The following ATXN7 variants were observed in gnomAD, a reference collection of about 807,000 sequenced individuals.
ATXN7 encodes the protein ataxin-7.
A neutral mutation model predicts 70.5 loss-of-function variants in ATXN7; 12 were observed. That is an observed-to-expected ratio of 0.17 (90% confidence interval 0.11 to 0.28). ATXN7 has a LOEUF of 0.28. Among genes scored for constraint, ATXN7 ranks in the 10% least tolerant of loss-of-function variants. ATXN7 has a pLI of 1.00. For missense variants in ATXN7, 1,256 were observed against 1,131.7 expected (o/e 1.11, Z -1.58); for synonymous variants, 498 against 448.7 (o/e 1.11, Z -1.39).
At chr3:63,979,381 TA>T (rs1206920842) in intron 5 of ATXN7, among the ~76,000 whole-genome samples, 28 of 152,158 alleles carry the variant, frequency 1.8e-4, no homozygotes, top group African/African-American at 6.3e-4. Flanking sequence ...TAGGGAACGA[TA>T]AGATAACCCT....
At chr3:63,884,077 C>A (rs1290747461) in intron 1 of ATXN7, among the ~76,000 whole-genome samples, 4 of 152,054 alleles carry the variant, frequency 2.6e-5, no homozygotes, top group Non-Finnish European at 2.9e-5. Flanking sequence ...AACATTAAGA[C>A]CCAGTGTCCA....
At position 63,990,311 on chromosome 3, in the gene ATXN7, CAAA is replaced by C; in HGVS notation, c.1498_1500del (p.Lys500del). On this transcript the variant is annotated inframe_deletion, in exon 10 of 13. Coordinates refer to ENST00000674280, the MANE Select transcript of ATXN7 (RefSeq NM_001377405.1). The stretch of plus-strand genomic sequence containing the variant: ...CCAGTGAGGAGGGCGAAGGCGATGA[CAAA>C]GAAGAGTCTGTTGAAAAACTGGACT... 1 of 1,614,166 alleles carries C rather than the reference CAAA, an allele frequency of 6.2e-7. No individual in the cohort carries two copies. The highest frequency in any genetic ancestry group is 8.5e-7 in the Non-Finnish European group (1 of 1,180,024).
At chr3:63,952,063 A>C (rs1229913865) in intron 4 of ATXN7, among the ~76,000 whole-genome samples, 2 of 152,216 alleles carry the variant, frequency 1.3e-5, no homozygotes, top group Admixed American at 6.5e-5. Context: ...AGCAGTTTAC[A>C]TGGTTGCAGA....
At chr3:63,951,343 C>T (rs370283865) in intron 4 of ATXN7, among the ~76,000 whole-genome samples, 4 of 152,094 alleles carry the variant, frequency 2.6e-5, no homozygotes, top group East Asian at 1.9e-4. Flanking sequence ...AGGATCTCCC[C>T]GGCTGGAGAA....
intron 4 of ATXN7, among the ~76,000 whole-genome samples, chr3:63,924,837 A>G (rs1487242444): frequency 6.6e-6 from 1 of 152,322 alleles, no homozygotes; most frequent in East Asian, 1.9e-4. Flanking sequence ...ATGAGGCAGT[A>G]GCAGGATGAA....
intron 5 of ATXN7, among the ~76,000 whole-genome samples, chr3:63,974,608 A>C (rs939837015): frequency 3.3e-5 from 5 of 152,210 alleles, no homozygotes; most frequent in Non-Finnish European, 2.9e-5. Context: ...CTGGAAAGTG[A>C]GGTTAATAAT....
At chr3:63,973,571 A>G (rs751759581) in intron 5 of ATXN7, among the ~76,000 whole-genome samples, 1 of 152,128 alleles carries the variant, frequency 6.6e-6, no homozygotes, top group Non-Finnish European at 1.5e-5. Flanking sequence ...GGCCAGTGAT[A>G]CGCCCTGCTT....
rs575328416 is a variant in ATXN7, at chr3:63,982,219, T to C, written c.786T>C (p.His262=). 3.1e-6 allele frequency: 5 copies of C among 1,614,110 alleles called. No homozygotes were observed. The highest frequency in any genetic ancestry group is 4.5e-5 in the East Asian group (2 of 44,866). ...MTPSVKVEKI[H]PKMDGTLLKS... is the part of the protein sequence containing the mutation. ...CCTCTGTGAAAGTGGAAAAGATTCA[T>C]CCGAAAATGGATGGCACACTACTGA... Residue 262 remains histidine (H), a synonymous_variant, in exon 7 of 13, where the codon CAT becomes CAC. Coordinates refer to ENST00000674280, the MANE Select transcript of ATXN7 (RefSeq NM_001377405.1).
rs909839741 is a variant in ATXN7 at position 63,864,097 on chromosome 3, C to G, written c.-172C>G. On this transcript the variant is annotated 5_prime_UTR_variant, in exon 1 of 13. Coordinates refer to ENST00000674280, the MANE Select transcript of ATXN7 (RefSeq NM_001377405.1). Reference sequence around the variant, plus strand: ...CTGCAGCCCGGGCTCCCGCCGCCCCCCTTGCAGCCCCCGCCCGGCCCACGC... The same window carrying G: ...CTGCAGCCCGGGCTCCCGCCGCCCCGCTTGCAGCCCCCGCCCGGCCCACGC... Among the ~76,000 whole-genome samples the G allele has an allele frequency of 3.4e-5, 5 of 146,610 alleles. No homozygotes were observed. The highest frequency in any genetic ancestry group is 2.0e-4 in the East Asian group (1 of 4,966).
intron 1 of ATXN7, among the ~76,000 whole-genome samples, chr3:63,879,039 G>A (rs1702830087): frequency 6.6e-6 from 1 of 152,088 alleles, no homozygotes; most frequent in African/African-American, 2.4e-5. Flanking sequence ...GTCTGGGGGT[G>A]GAAAGTGGAT....
chr3:63,986,850 A>T (rs1025543401), intron 8 of ATXN7, among the ~76,000 whole-genome samples: 17 of 152,212 alleles, frequency 1.1e-4, no homozygotes, highest in African/African-American at 3.9e-4. Context: ...AGTTGTACCA[A>T]CTATGCCAAT....
Position 64,002,259 on chromosome 3 carries a change from T to A in ATXN7, c.*2792T>A, listed in dbSNP as rs1474541602. On this transcript the variant is annotated 3_prime_UTR_variant, in exon 13 of 13. Transcript: ENST00000674280. Reference sequence around the variant, plus strand: ...ATTAATAAAAGTAAATACCTTTTTATAATTTGAAGTGGTTCACTGCCAAGC... The same window carrying A: ...ATTAATAAAAGTAAATACCTTTTTAAAATTTGAAGTGGTTCACTGCCAAGC... The A allele has an allele frequency of 6.6e-6, 1 of 152,624 alleles. No individual in the cohort carries two copies. Among genetic ancestry groups the A allele is most frequent in the East Asian group, 1.9e-4 (1 of 5,198 alleles). The allele number at this position is 152,624 out of a possible 1,614,324, so 9.5% of individuals were successfully genotyped here.
At chr3:63,972,726 A>G (rs1402316423) in intron 5 of ATXN7, among the ~76,000 whole-genome samples, 1 of 152,214 alleles carries the variant, frequency 6.6e-6, no homozygotes, top group Admixed American at 6.5e-5. Context: ...ATGAATTCTT[A>G]AAGTTGCTCC....
intron 4 of ATXN7, among the ~76,000 whole-genome samples, chr3:63,917,187 T>A (rs1310547751): frequency 2.0e-5 from 3 of 152,120 alleles, no homozygotes; most frequent in African/African-American, 7.2e-5. Context: ...CCCAAAGTGT[T>A]GGGATGACAG....
chr3:63,977,589 C>T (rs895985775), intron 5 of ATXN7, among the ~76,000 whole-genome samples: 1 of 152,124 alleles, frequency 6.6e-6, no homozygotes, highest in Non-Finnish European at 1.5e-5. Flanking sequence ...CTTACTGTTT[C>T]ACAGATACTA....
intron 4 of ATXN7, among the ~76,000 whole-genome samples, chr3:63,917,718 A>G (rs1424924105): frequency 6.6e-6 from 1 of 152,340 alleles, no homozygotes; most frequent in South Asian, 2.1e-4. Context: ...AGTGTTGTTG[A>G]TGAAGGCATA....
chr3:63,913,303 C>G (rs1215272909), intron 4 of ATXN7, 78 bp downstream of exon 4: 4 of 1,431,182 alleles, frequency 2.8e-6, no homozygotes, highest in African/African-American at 2.8e-5. Context: ...CCGGGAACAT[C>G]AGCCCACCAT....
chr3:63,869,730 T>TA (rs1702542180), intron 1 of ATXN7, among the ~76,000 whole-genome samples: 1 of 152,212 alleles, frequency 6.6e-6, no homozygotes, highest in East Asian at 1.9e-4. Flanking sequence ...CTGCTAGAGA[T>TA]ACTATACATC....
intron 2 of ATXN7, among the ~76,000 whole-genome samples, chr3:63,910,854 ATG>A (rs201278033): frequency 3.4e-5 from 5 of 147,406 alleles, no homozygotes; most frequent in African/African-American, 1.1e-4. Flanking sequence ...ATGTGTAAGT[ATG>A]TGTGTGTGTG....
Sources: gnomAD v4.1 joint callset for allele counts (sites outside exome capture counted in the v4.1 genomes callset) on GRCh38, gnomAD v4.1.1 for gene constraint, MANE v1.5 for transcripts, NCBI Gene and HGNC (gene_info 2026-07-23, HGNC 2026-07-21) for gene names.